LONRF1: variants seen among roughly 807,000 people sequenced by gnomAD.
The protein encoded by LONRF1 is LON peptidase N-terminal domain and RING finger protein 1.
Under a neutral mutation model 85.8 loss-of-function variants are expected in LONRF1, and 37 were observed. The observed-to-expected ratio is 0.43, with a 90% CI of 0.33 to 0.57. The LOEUF (loss-of-function observed/expected upper bound fraction) is 0.57, where lower values mean the gene tolerates loss of function less well. Ranked by LOEUF, LONRF1 falls within the 20% of genes least tolerant of loss-of-function variation. LONRF1 has a pLI of 0.04. For missense variants in LONRF1, 1,036 were observed against 978.0 expected (o/e 1.06, Z -0.79); for synonymous variants, 517 against 390.1 (o/e 1.33, Z -3.83).
chr8:12,725,691 A>G, intron 11 of LONRF1, 36 bp downstream of exon 11: 6 of 1,586,640 alleles, frequency 3.8e-6, no homozygotes, highest in Admixed American at 1.8e-5. Flanking sequence ...GGTTTATAAA[A>G]AAGTGACTTT....
At chr8:12,740,512 C>T (rs538468560) in intron 3 of LONRF1, among the ~76,000 whole-genome samples, 7 of 152,106 alleles carry the variant, frequency 4.6e-5, no homozygotes, top group South Asian at 4.2e-4. Flanking sequence ...GGCAATCCTG[C>T]GGAGTAAGCA....
intron 7 of LONRF1, among the ~76,000 whole-genome samples, chr8:12,732,965 T>C (rs924631829): frequency 3.3e-5 from 5 of 151,832 alleles, no homozygotes; most frequent in African/African-American, 9.7e-5. Context: ...CAATGAAGAG[T>C]AGATGGGGAA....
At position 12,755,234 on chromosome 8, in the gene LONRF1, G is replaced by A. The variant is rs1376445034; in HGVS notation, c.187C>T (p.His63Tyr). 2.4e-6 allele frequency: 3 copies of A among 1,241,002 alleles called. No homozygotes were observed. Among genetic ancestry groups the A allele is most frequent in the Admixed American group, 8.7e-5 (2 of 22,924 alleles). The allele number at this position is 1,241,002 out of a possible 1,614,324, so 76.9% of individuals were successfully genotyped here. A position where few individuals can be genotyped will look rare whatever the true frequency, so the allele number is the denominator to read the frequency against. ...AACGCCTCCAGCGCGCCCTTCAGGT[G>A]GCCGCCCAGCGCCAGCAGCTCCCCG... ...RRGELLALGG[H>Y]LKGALEAFAA... Residue 63 changes from histidine (H) to tyrosine (Y), a missense_variant, in exon 1 of 12, where the codon CAC becomes TAC. By Grantham distance (83) the His-to-Tyr change is moderately conservative (BLOSUM62 2). Coordinates refer to ENST00000398246, the MANE Select transcript of LONRF1 (RefSeq NM_152271.5).
At chr8:12,729,131 G>C (rs183064386) in intron 9 of LONRF1, 43 bp downstream of exon 9, 1 of 1,611,620 alleles carries the variant, frequency 6.2e-7, no homozygotes, top group South Asian at 1.1e-5. Flanking sequence ...CATATTGAGA[G>C]GTCTAACATA....
intron 1 of LONRF1, among the ~76,000 whole-genome samples, chr8:12,743,847 C>T (rs1413895317): frequency 3.4e-5 from 2 of 58,444 alleles, no homozygotes; most frequent in Middle Eastern, 7.9e-3. Context: ...CTGCCATTAG[C>T]AAAAACAGTA....
intron 1 of LONRF1, among the ~76,000 whole-genome samples, chr8:12,751,314 T>TTTTTTTTTTTTTTTTTTTTTG (rs1554469389): frequency 7.1e-6 from 1 of 140,454 alleles, no homozygotes; most frequent in Non-Finnish European, 1.5e-5. Context: ...TTTTTTTTTT[T>TTTTTTTTTTTTTTTTTTTTTG]TTTTTTGAGA....
rs748654195 is a variant in LONRF1 at position 12,723,274 on chromosome 8, TATAGC to T, written c.2164-25_2164-21del. Reference sequence around the variant, plus strand: ...GGCTGCCTAAAAACAATGGACAGTTTATAGCATTAATAAAACAAGGATTTATGTAA... The same window carrying T: ...GGCTGCCTAAAAACAATGGACAGTTTATTAATAAAACAAGGATTTATGTAA... On this transcript the variant is annotated intron_variant, in intron 11 of 11. Transcript: ENST00000398246. 1 of 1,578,900 alleles carries T rather than the reference TATAGC, an allele frequency of 6.3e-7. No homozygotes were observed. The highest frequency in any genetic ancestry group is 1.4e-5 in the African/African-American group (1 of 73,068).
chr8:12,722,907 A>G lies in LONRF1; in HGVS notation c.*189T>C, dbSNP rs1007137435. On this transcript the variant is annotated 3_prime_UTR_variant, in exon 12 of 12. Coordinates refer to ENST00000398246, the MANE Select transcript of LONRF1 (RefSeq NM_152271.5). Reference sequence around the variant, plus strand: ...ACATTCAATGCGTGTTTTTCTGTGCAAGTTCTTAGTGGTCTAAATCCTAGT... The same window carrying G: ...ACATTCAATGCGTGTTTTTCTGTGCGAGTTCTTAGTGGTCTAAATCCTAGT... The G allele has an allele frequency of 5.4e-5, 29 of 540,268 alleles. No homozygotes were observed. Among genetic ancestry groups the G allele is most frequent in the Non-Finnish European group, 7.8e-5 (24 of 307,650 alleles). 33.5% of individuals were successfully genotyped at this position (540,268 alleles called of 1,614,324 possible).
chr8:12,740,743 T>G, intron 3 of LONRF1, 131 bp downstream of exon 3: 2 of 1,169,168 alleles, frequency 1.7e-6, no homozygotes, highest in Non-Finnish European at 2.4e-6. Context: ...ACCACTCAAA[T>G]TATCACATTT....
intron 1 of LONRF1, among the ~76,000 whole-genome samples, chr8:12,749,002 C>T (rs1438065348): frequency 6.6e-6 from 1 of 152,124 alleles, no homozygotes. Flanking sequence ...TAGTTTAACT[C>T]TTTGAACTCT....
intron 3 of LONRF1, chr8:12,738,670 G>A (rs1257234416): frequency 6.6e-6 from 1 of 152,180 alleles, no homozygotes; most frequent in Non-Finnish European, 1.5e-5. Flanking sequence ...TACTTGGTTA[G>A]AAGCACCCCA....
intron 2 of LONRF1, among the ~76,000 whole-genome samples, chr8:12,741,708 T>A (rs534446483): frequency 1.3e-5 from 2 of 152,376 alleles, no homozygotes; most frequent in South Asian, 4.1e-4. Flanking sequence ...GTCTTAGATT[T>A]AGGGCAGTAT....
chr8:12,754,073 C>T (rs1232212141), intron 1 of LONRF1: 1 of 152,214 alleles, frequency 6.6e-6, no homozygotes, highest in Admixed American at 6.5e-5. Context: ...GCAGGGCCTC[C>T]CGGGGCCGGG....
chr8:12,744,954 C>T (rs1370770944), intron 1 of LONRF1, among the ~76,000 whole-genome samples: 1 of 152,080 alleles, frequency 6.6e-6, no homozygotes, highest in African/African-American at 2.4e-5. Flanking sequence ...TTCAGAACTG[C>T]TGAATATTTC....
chr8:12,750,962 C>T (rs1274285346), intron 1 of LONRF1, among the ~76,000 whole-genome samples: 1 of 152,188 alleles, frequency 6.6e-6, no homozygotes, highest in African/African-American at 2.4e-5. Context: ...AAGCACTTAG[C>T]ATGTTTTGAC....
At chr8:12,752,077 T>G (rs575581639) in intron 1 of LONRF1, among the ~76,000 whole-genome samples, 1 of 152,360 alleles carries the variant, frequency 6.6e-6, no homozygotes, top group African/African-American at 2.4e-5. Flanking sequence ...TGGATGTGTG[T>G]GGGCTAACTG....
chr8:12,748,218 GA>G (rs1319367574), intron 1 of LONRF1, among the ~76,000 whole-genome samples: 1 of 152,054 alleles, frequency 6.6e-6, no homozygotes, highest in Non-Finnish European at 1.5e-5. Context: ...ATTTATTTGA[GA>G]AAAGATCTAA....
intron 4 of LONRF1, 90 bp downstream of exon 4, chr8:12,737,905 G>A: frequency 2.3e-6 from 3 of 1,317,536 alleles, no homozygotes; most frequent in South Asian, 3.0e-5. Flanking sequence ...ACTTAAGTAG[G>A]TGCTAGTACT....
chr8:12,743,559 T>C (rs948657644), intron 1 of LONRF1, among the ~76,000 whole-genome samples: 1 of 152,200 alleles, frequency 6.6e-6, no homozygotes, highest in Non-Finnish European at 1.5e-5. Flanking sequence ...TAATCACTCC[T>C]AAGAAAACTT....
Sources: allele counts gnomAD v4.1 joint callset (sites outside exome capture counted in the v4.1 genomes callset), GRCh38; gene constraint gnomAD v4.1.1; transcripts MANE v1.5; gene names NCBI Gene and HGNC (gene_info 2026-07-23, HGNC 2026-07-21).